Variants in VSIG8 observed in about 807,000 individuals in gnomAD.
VSIG8 encodes V-set and immunoglobulin domain containing 8.
VSIG8 carries 32 observed loss-of-function variants against 42.6 expected under a neutral mutation model. The ratio of observed to expected loss-of-function variants is 0.75; its 90% CI spans 0.57 to 1.01. The LOEUF is 1.01. VSIG8 is among the 50% of genes least tolerant of loss of function. The pLI, the probability that VSIG8 is intolerant of heterozygous loss-of-function variation, is 0.00. For synonymous variants in VSIG8, 290 were observed against 243.8 expected, an observed-to-expected ratio of 1.19 and a Z score of -1.77; for missense variants, 529 against 558.0, an observed-to-expected ratio of 0.95 and a Z score of 0.52.
At chr1:159,856,671 T>C in intron 4 of VSIG8, 28 bp from the exon 5 acceptor site, 1 of 1,610,254 alleles carries the variant, frequency 6.2e-7, no homozygotes, top group Non-Finnish European at 8.5e-7. Context: ...AGAGGCCTGG[T>C]CTCTGAGAGC....
In VSIG8 at chr1:159,856,056, G is replaced by A. The variant is rs1418290956; in HGVS notation, c.798C>T (p.Ile266=). 5 of 1,612,284 alleles carry A rather than the reference G, an allele frequency of 3.1e-6. No homozygotes were observed. Among genetic ancestry groups the A allele is most frequent in the Admixed American group, 1.7e-5 (1 of 59,920 alleles). Residue 266 remains isoleucine, a synonymous_variant, in exon 6 of 7, where the codon ATC becomes ATT. Coordinates refer to ENST00000368100, the MANE Select transcript of VSIG8 (RefSeq NM_001013661.1). ...VSDSRRIGVI[I]GIVLGSLLAL... Reference sequence around the variant, plus strand: ...CGAGCAGAGAGCCCAGGACGATGCCGATGATCACGCCTATACGCCGGGAGT... The same window carrying A: ...CGAGCAGAGAGCCCAGGACGATGCCAATGATCACGCCTATACGCCGGGAGT...
intron 1 of VSIG8, chr1:159,860,537 C>G (rs1284506498): frequency 6.6e-6 from 1 of 152,258 alleles, no homozygotes; most frequent in Non-Finnish European, 1.5e-5. Flanking sequence ...CCCCTAGGAA[C>G]ACTGGCTGGG....
At position 159,855,941 on chromosome 1, in the gene VSIG8, AGCCGAAG is replaced by A; in HGVS notation, c.906_912del (p.Phe303ThrfsTer153). 1 of 1,574,282 alleles carries A rather than the reference AGCCGAAG, an allele frequency of 6.4e-7. No individual in the cohort carries two copies. Among genetic ancestry groups the A allele is most frequent in the South Asian group, 1.2e-5 (1 of 86,952 alleles). ...CCGCCGACCCCGCCGCCGTTGCCGT[AGCCGAAG>A]GCACCGCGGGCGCCGCCAGCCCCGG... On this transcript the variant is annotated frameshift_variant, in exon 6 of 7. Transcript: ENST00000368100. LOFTEE classifies it high-confidence loss of function.
chr1:159,856,522 A>C lies in VSIG8; in HGVS notation c.772+2T>G. The C allele has an allele frequency of 6.2e-7, 1 of 1,613,886 alleles. No individual in the cohort carries two copies. The highest frequency in any genetic ancestry group is 8.5e-7 in the Non-Finnish European group (1 of 1,179,902). ...CCCAGCCCTCAAGACTGCTGCACCTACCTGAGACCTTCACCTCCACCACAC... is the reference window on the plus strand; with the variant it reads ...CCCAGCCCTCAAGACTGCTGCACCTCCCTGAGACCTTCACCTCCACCACAC... On this transcript the variant is annotated splice_donor_variant, in intron 5 of 6. Coordinates refer to ENST00000368100, the MANE Select transcript of VSIG8 (RefSeq NM_001013661.1). LOFTEE classifies it high-confidence loss of function.
chr1:159,855,265 T>C, intron 6 of VSIG8: 3 of 1,551,022 alleles, frequency 1.9e-6, no homozygotes, highest in Non-Finnish European at 1.7e-6. Context: ...TCCACGCGTA[T>C]CTGGAGAGCC....
intron 1 of VSIG8, 78 bp from the exon 2 acceptor site, chr1:159,858,990 T>A: frequency 2.0e-6 from 3 of 1,477,810 alleles, no homozygotes; most frequent in Non-Finnish European, 2.7e-6. Flanking sequence ...GCCCTTCCCT[T>A]CATATTCTCT....
At position 159,854,433 on chromosome 1, in the gene VSIG8, A is replaced by G; in HGVS notation, c.*320T>C. On this transcript the variant is annotated 3_prime_UTR_variant, in exon 7 of 7. Coordinates refer to ENST00000368100, the MANE Select transcript of VSIG8 (RefSeq NM_001013661.1). ...ACCCGGCCCCCGGGGCCCTCTGCTT[A>G]GGCTGGGGACACCAGGCCTCCGGCC... is the stretch of plus-strand genomic sequence containing the variant. 1 of 263,222 alleles carries G rather than the reference A, an allele frequency of 3.8e-6. No individual in the cohort carries two copies. The highest frequency in any genetic ancestry group is 6.9e-6 in the Non-Finnish European group (1 of 144,964). 16.3% of individuals were successfully genotyped at this position (263,222 alleles called of 1,614,324 possible).
Position 159,857,884 on chromosome 1 carries a change from C to G in VSIG8, c.513G>C (p.Gly171=). ...ACTTGTAGGAGAGGGGCTGGGAGCCCCCACTGGCATAGCACTTCAGCACCA... is the reference window on the plus strand; with the variant it reads ...ACTTGTAGGAGAGGGGCTGGGAGCCGCCACTGGCATAGCACTTCAGCACCA... ...NDVVLKCYAS[G]GSQPLSYKWA... is the part of the protein sequence containing the mutation. Residue 171 remains glycine, a synonymous_variant, in exon 4 of 7, where the codon GGG becomes GGC. Transcript: ENST00000368100. 6.2e-7 allele frequency: 1 copy of G among 1,614,240 alleles called. No individual in the cohort carries two copies. Among genetic ancestry groups the G allele is most frequent in the African/African-American group, 1.3e-5 (1 of 75,060 alleles).
chr1:159,859,576 G>A (rs1648959132), intron 1 of VSIG8, among the ~76,000 whole-genome samples: 1 of 152,180 alleles, frequency 6.6e-6, no homozygotes. Flanking sequence ...GACCATGTGA[G>A]CTATGTAAGT....
chr1:159,855,300 CT>C, intron 6 of VSIG8: 1 of 1,533,724 alleles, frequency 6.5e-7, no homozygotes, highest in Non-Finnish European at 8.8e-7. Context: ...CTCCAGGCCC[CT>C]GCAATCCCTT....
Position 159,855,954 on chromosome 1 carries a change from G to A in VSIG8, c.900C>T (p.Arg300=), listed in dbSNP as rs773027975. The A allele has an allele frequency of 5.1e-6, 8 of 1,580,608 alleles. No individual in the cohort carries two copies. The Admixed American group carries it at 1.5e-4, about 29-fold the overall frequency. Residue 300 remains arginine, a synonymous_variant, in exon 6 of 7, where the codon CGC becomes CGT. Coordinates refer to ENST00000368100, the MANE Select transcript of VSIG8 (RefSeq NM_001013661.1). ...CCGGSGAGGA[R]GAFGYGNGGG... is the part of the protein sequence containing the mutation. ...CGCCGTTGCCGTAGCCGAAGGCACCGCGGGCGCCGCCAGCCCCGGAGCCCC... is the reference window on the plus strand; with the variant it reads ...CGCCGTTGCCGTAGCCGAAGGCACCACGGGCGCCGCCAGCCCCGGAGCCCC...
At chr1:159,856,773 A>C (rs1278347778) in intron 4 of VSIG8, 130 bp from the exon 5 acceptor site, 10 of 684,226 alleles carry the variant, frequency 1.5e-5, no homozygotes, top group Non-Finnish European at 2.0e-5. Flanking sequence ...ACCCACACCC[A>C]CACACACACA....
At position 159,854,756 on chromosome 1, in the gene VSIG8, C is replaced by T. The variant is rs1332908625; in HGVS notation, c.1242G>A (p.Val414=). ...CAGCCCGGCCCGGCGCGCGCGCTCACACCAAGAGGCCGTTCTTGCACTGCA... is the reference window on the plus strand; with the variant it reads ...CAGCCCGGCCCGGCGCGCGCGCTCATACCAAGAGGCCGTTCTTGCACTGCA... The part of the protein sequence containing the change: ...GPVQCKNGLL[V] Residue 414 remains valine (V), a synonymous_variant, in exon 7 of 7, where the codon GTG becomes GTA. Transcript: ENST00000368100. 1 of 1,487,130 alleles carries T rather than the reference C, an allele frequency of 6.7e-7. No individual in the cohort carries two copies. The highest frequency in any genetic ancestry group is 8.9e-7 in the Non-Finnish European group (1 of 1,126,526). The allele number at this position is 1,487,130 out of a possible 1,614,324, so 92.1% of individuals were successfully genotyped here.
chr1:159,862,401 T>G (rs1571171138), intron 1 of VSIG8, 72 bp downstream of exon 1: 792 of 1,494,440 alleles, frequency 5.3e-4, no homozygotes, highest in Non-Finnish European at 6.5e-4. Flanking sequence ...GGCTCCACTG[T>G]GAGCCCTTGC....
intron 2 of VSIG8, 146 bp from the exon 3 acceptor site, chr1:159,858,437 C>A: frequency 1.2e-6 from 1 of 865,418 alleles, no homozygotes. Flanking sequence ...GAGCCACTGA[C>A]CTCTTACAGA....
chr1:159,857,653 G>T, intron 4 of VSIG8, 92 bp downstream of exon 4: 3 of 1,010,876 alleles, frequency 3.0e-6, no homozygotes, highest in Non-Finnish European at 4.4e-6. Context: ...GGTTTGATTT[G>T]ATGGCACTGA....
At position 159,862,505 on chromosome 1, in the gene VSIG8, G is replaced by T; in HGVS notation, c.17C>A (p.Ala6Glu). The change falls in exon 1 of 7, where the codon GCA becomes GAA. Residue 6 changes from alanine to glutamate, a missense_variant. Transcript: ENST00000368100. Reference sequence around the variant, plus strand: ...CAGGCACACGAGTAGAAGGTGGAATGCTCCTCCAACTCTCATGTCTCTAGG... The same window carrying T: ...CAGGCACACGAGTAGAAGGTGGAATTCTCCTCCAACTCTCATGTCTCTAGG... MRVGG[A>E]FHLLLVCLSP... 6.2e-7 allele frequency: 1 copy of T among 1,613,248 alleles called. No individual in the cohort carries two copies. The highest frequency in any genetic ancestry group is 8.5e-7 in the Non-Finnish European group (1 of 1,179,470).
intron 1 of VSIG8, among the ~76,000 whole-genome samples, chr1:159,859,369 G>A (rs572615761): frequency 6.6e-6 from 1 of 152,202 alleles, no homozygotes; most frequent in Non-Finnish European, 1.5e-5. Context: ...GAGCCTGGCT[G>A]ATTAAATGTC....
chr1:159,858,992 A>G, intron 1 of VSIG8, 80 bp from the exon 2 acceptor site: 1 of 1,471,988 alleles, frequency 6.8e-7, no homozygotes, highest in Non-Finnish European at 9.1e-7. Context: ...CCTTCCCTTC[A>G]TATTCTCTGT....
Sources: allele counts gnomAD v4.1 joint callset (sites outside exome capture counted in the v4.1 genomes callset), GRCh38; gene constraint gnomAD v4.1.1; transcripts MANE v1.5; gene names NCBI Gene and HGNC (gene_info 2026-07-23, HGNC 2026-07-21).